The following TMEM132C variants were observed in gnomAD, a reference collection of about 807,000 sequenced individuals.
The protein encoded by TMEM132C is protein phosphatase 1, regulatory subunit 152.
A neutral mutation model predicts 61.4 loss-of-function variants in TMEM132C; 29 were observed. That is an observed-to-expected ratio of 0.47 (90% CI 0.35 to 0.64). The LOEUF (loss-of-function observed/expected upper bound fraction) is 0.64. TMEM132C is among the 30% of genes least tolerant of loss of function. The pLI, the probability that TMEM132C is intolerant of heterozygous loss-of-function variation, is 0.00. For synonymous variants in TMEM132C, 656 were observed against 633.1 expected (o/e 1.04, Z -0.54); for missense variants, 1,408 against 1,476.9 (o/e 0.95, Z 0.76).
chr12:128,684,539 C>G (rs959088121), intron 5 of TMEM132C, among the ~76,000 whole-genome samples: 4 of 152,238 alleles, frequency 2.6e-5, no homozygotes, highest in African/African-American at 9.6e-5. Context: ...CCAGGCAGCT[C>G]ATTAGCGCTG....
intron 3 of TMEM132C, among the ~76,000 whole-genome samples, chr12:128,555,826 C>T (rs1186899630): frequency 6.6e-6 from 1 of 152,008 alleles, no homozygotes. Context: ...GTGATCCTCC[C>T]ATATCAGTCT....
At chr12:128,307,140 C>T (rs1196399565) in intron 1 of TMEM132C, among the ~76,000 whole-genome samples, 1 of 152,094 alleles carries the variant, frequency 6.6e-6, no homozygotes, top group East Asian at 1.9e-4. Flanking sequence ...CACACCCACC[C>T]TTGGTTATAT....
At chr12:128,626,275 C>T (rs929160522) in intron 4 of TMEM132C, among the ~76,000 whole-genome samples, 4 of 145,952 alleles carry the variant, frequency 2.7e-5, no homozygotes, top group African/African-American at 1.0e-4. Flanking sequence ...TACAGGCGCT[C>T]ACCACCACGC....
In TMEM132C at chr12:128,293,723, G is replaced by A. The variant is rs533597040; in HGVS notation, c.85+26236G>A. Among the ~76,000 whole-genome samples, 12 of 152,168 alleles carry A rather than the reference G, an allele frequency of 7.9e-5. 1 individual carries two copies. Among genetic ancestry groups the A allele is most frequent in the African/African-American group, 2.2e-4 (9 of 41,496 alleles). On this transcript the variant is annotated intron_variant, in intron 1 of 8. Transcript: ENST00000435159. ...CTTTGTCTCCCAACCTCCTAAGGTC[G>A]AGAGTGATTCTTTATGGCAAAGAGT...
chr12:128,431,296 C>T (rs1305783164), intron 2 of TMEM132C, among the ~76,000 whole-genome samples: 1 of 152,098 alleles, frequency 6.6e-6, no homozygotes, highest in Non-Finnish European at 1.5e-5. Flanking sequence ...TCTGTGAAGG[C>T]TGAGGGAGGT....
chr12:128,499,919 G>T (rs1872101672), intron 2 of TMEM132C, among the ~76,000 whole-genome samples: 5 of 152,160 alleles, frequency 3.3e-5, no homozygotes. Context: ...GGGATTGCTG[G>T]ATCATATAAT....
At chr12:128,348,178 A>G (rs1055870764) in intron 1 of TMEM132C, among the ~76,000 whole-genome samples, 14 of 152,154 alleles carry the variant, frequency 9.2e-5, no homozygotes, top group Non-Finnish European at 2.1e-4. Flanking sequence ...ATGCCTAAGT[A>G]TTTTATTATT....
At chr12:128,586,888 G>A (rs1032801669) in intron 3 of TMEM132C, among the ~76,000 whole-genome samples, 1 of 152,204 alleles carries the variant, frequency 6.6e-6, no homozygotes, top group African/African-American at 2.4e-5. Flanking sequence ...TTCCTGGGCA[G>A]CACCTGCTCT....
intron 1 of TMEM132C, among the ~76,000 whole-genome samples, chr12:128,360,564 G>C (rs1873671880): frequency 6.6e-6 from 1 of 152,124 alleles, no homozygotes; most frequent in South Asian, 2.1e-4. Flanking sequence ...TCCCATCCTT[G>C]CTCCTTAGAG....
At chr12:128,314,108 A>G (rs972013874) in intron 1 of TMEM132C, among the ~76,000 whole-genome samples, 4 of 152,238 alleles carry the variant, frequency 2.6e-5, no homozygotes, top group African/African-American at 9.6e-5. Flanking sequence ...CTCTTGGCAC[A>G]AAAGCAAACA....
intron 4 of TMEM132C, among the ~76,000 whole-genome samples, chr12:128,625,119 T>A (rs1954002814): frequency 1.3e-5 from 2 of 152,264 alleles, no homozygotes; most frequent in Admixed American, 1.3e-4. Context: ...CACGGCTCTC[T>A]GAACTTGAAT....
intron 4 of TMEM132C, among the ~76,000 whole-genome samples, chr12:128,621,108 G>C (rs181416034): frequency 1.3e-5 from 2 of 151,924 alleles, no homozygotes; most frequent in Non-Finnish European, 2.9e-5. Flanking sequence ...GCTCTGCTCT[G>C]GGCCCTGGGG....
At chr12:128,460,408 AGTCCACTTGTTC>A (rs1723535654) in intron 2 of TMEM132C, among the ~76,000 whole-genome samples, 1 of 152,012 alleles carries the variant, frequency 6.6e-6, no homozygotes, top group Admixed American at 6.5e-5. Flanking sequence ...CAACTTAGTA[AGTCCACTTGTTC>A]AAGCCAAAGT....
intron 4 of TMEM132C, among the ~76,000 whole-genome samples, chr12:128,627,751 C>T (rs560697303): frequency 1.3e-5 from 2 of 152,212 alleles, no homozygotes; most frequent in South Asian, 2.1e-4. Flanking sequence ...TGCCTCCCCC[C>T]GCCCTGCAGC....
At chr12:128,703,343 A>G (rs993340987) in intron 8 of TMEM132C, among the ~76,000 whole-genome samples, 2 of 151,952 alleles carry the variant, frequency 1.3e-5, no homozygotes, top group African/African-American at 2.4e-5. Context: ...GTTCCCCTCT[A>G]TCTGTCCATG....
At chr12:128,397,934 T>C (rs1046464036) in intron 1 of TMEM132C, among the ~76,000 whole-genome samples, 1 of 152,178 alleles carries the variant, frequency 6.6e-6, no homozygotes, top group African/African-American at 2.4e-5. Context: ...CAAGGCAGCA[T>C]GGGGTACAGA....
At position 128,429,697 on chromosome 12, in the gene TMEM132C, A is replaced by T. The variant is rs1869320256; in HGVS notation, c.974+14077A>T. 2.0e-5 allele frequency among the ~76,000 whole-genome samples: 3 copies of T among 152,224 alleles called. No homozygotes were observed. In the South Asian group the frequency reaches 6.2e-4, roughly 32 times the overall value. ...TATATCTTAATATCCCTTCTGTTAG[A>T]AAACAAGAAGAACAGGGCTTTGATA... On this transcript the variant is annotated intron_variant, in intron 2 of 8. Coordinates refer to ENST00000435159, the MANE Select transcript of TMEM132C (RefSeq NM_001136103.3).
chr12:128,590,243 C>T (rs755121496), intron 3 of TMEM132C, among the ~76,000 whole-genome samples: 2 of 152,132 alleles, frequency 1.3e-5, no homozygotes, highest in Non-Finnish European at 2.9e-5. Context: ...GCTTGAGACT[C>T]GGGATGACAG....
chr12:128,614,880 C>G (rs370159599), intron 3 of TMEM132C, among the ~76,000 whole-genome samples: 3 of 152,170 alleles, frequency 2.0e-5, no homozygotes, highest in Non-Finnish European at 4.4e-5. Flanking sequence ...ATAACACAGA[C>G]GACAAAGGTC....
Sources: gnomAD v4.1 joint callset for allele counts (sites outside exome capture counted in the v4.1 genomes callset) on GRCh38, gnomAD v4.1.1 for gene constraint, MANE v1.5 for transcripts, NCBI Gene and HGNC (gene_info 2026-07-23, HGNC 2026-07-21) for gene names.